METAP1: variants seen among roughly 807,000 people sequenced by gnomAD.
The protein encoded by METAP1 is methionine aminopeptidase 1.
A neutral mutation model predicts 53.8 loss-of-function variants in METAP1; 28 were observed. The observed-to-expected ratio is 0.52, with a 90% CI of 0.39 to 0.71. The LOEUF is 0.71. Among genes scored for constraint, METAP1 ranks in the 30% least tolerant of loss-of-function variants. The probability of loss-of-function intolerance (pLI) is 0.00; values close to 1 mark genes in which losing one functional copy is unlikely to be tolerated. For synonymous variants in METAP1, 181 were observed against 165.7 expected (o/e 1.09, Z -0.71); for missense variants, 389 against 479.8 (o/e 0.81, Z 1.77).
chr4:99,056,849 G>A (rs904724350), intron 9 of METAP1, among the ~76,000 whole-genome samples: 2 of 150,060 alleles, frequency 1.3e-5, no homozygotes, highest in South Asian at 2.1e-4. Context: ...GATTACAGGT[G>A]TGAGCCACTG....
chr4:99,000,654 T>A (rs1292721457), intron 1 of METAP1, among the ~76,000 whole-genome samples: 2 of 143,552 alleles, frequency 1.4e-5, no homozygotes, highest in Non-Finnish European at 3.0e-5. Context: ...AGGAAGAAAG[T>A]CTTTTTTTTT....
In METAP1 at chr4:99,034,213, A is replaced by C. The variant is rs1284754069; in HGVS notation, c.167-17A>C. The C allele has an allele frequency of 6.2e-6, 9 of 1,447,172 alleles. 1 individual carries two copies. The South Asian group carries it at 1.1e-4, about 18-fold the overall frequency. The allele number at this position is 1,447,172 out of a possible 1,614,324, so 89.6% of individuals were successfully genotyped here. On this transcript the variant is annotated splice_polypyrimidine_tract_variant and intron_variant, in intron 2 of 10. Transcript: ENST00000296411. ...CCTTCTCCTCCTTCCTCTCATATCT[A>C]TTCCTCCGTCTCCCAGAAGATGAAA...
chr4:99,049,220 G>A (rs1338937917), intron 9 of METAP1, among the ~76,000 whole-genome samples: 1 of 152,086 alleles, frequency 6.6e-6, no homozygotes, highest in Non-Finnish European at 1.5e-5. Flanking sequence ...GGTATACCTG[G>A]GAGTTTTTAA....
chr4:99,004,458 CACACACACACACACACACACACACA>C (rs1723074306), intron 1 of METAP1, among the ~76,000 whole-genome samples: 1 of 26,896 alleles, frequency 3.7e-5, no homozygotes. Context: ...CACACACACA[CACACACACACACACACACACACACA>C]TACACACACA....
intron 1 of METAP1, among the ~76,000 whole-genome samples, chr4:99,004,503 A>G (rs1439812259): frequency 5.1e-5 from 5 of 97,440 alleles, no homozygotes; most frequent in Non-Finnish European, 1.3e-4. Context: ...ACACACACAC[A>G]CACACACACA....
intron 9 of METAP1, among the ~76,000 whole-genome samples, chr4:99,054,203 G>C (rs1273818573): frequency 6.6e-6 from 1 of 152,190 alleles, no homozygotes; most frequent in Non-Finnish European, 1.5e-5. Context: ...TTGAAAATCT[G>C]TTTGTTAGTA....
intron 8 of METAP1, among the ~76,000 whole-genome samples, chr4:99,047,370 G>C (rs1726345069): frequency 1.3e-5 from 2 of 152,114 alleles, no homozygotes; most frequent in Admixed American, 1.3e-4. Context: ...CCTTGGGGCC[G>C]CAGTTGGAGC....
intron 6 of METAP1, among the ~76,000 whole-genome samples, chr4:99,042,680 C>T (rs1196409684): frequency 6.6e-6 from 1 of 151,950 alleles, no homozygotes; most frequent in African/African-American, 2.4e-5. Flanking sequence ...ATATTTACTT[C>T]AAATATTTTA....
Position 99,014,670 on chromosome 4 carries a change from T to G in METAP1, c.115-14197T>G, listed in dbSNP as rs114801923. Among the ~76,000 whole-genome samples the G allele has an allele frequency of 7.2e-3, 1,096 of 152,190 alleles. 9 individuals are homozygous for G. The highest frequency in any genetic ancestry group is 0.025 in the African/African-American group (1,037 of 41,498). ...TTGTAGTGTGTTGGTGGTGGGGTGT[T>G]TCCTATTTTTGTTGATGAAATGCCA... is the stretch of plus-strand genomic sequence containing the variant. On this transcript the variant is annotated intron_variant, in intron 1 of 10. Coordinates refer to ENST00000296411, the MANE Select transcript of METAP1 (RefSeq NM_015143.3).
intron 2 of METAP1, among the ~76,000 whole-genome samples, chr4:99,033,947 C>T (rs1207621356): frequency 1.3e-5 from 2 of 152,112 alleles, no homozygotes; most frequent in East Asian, 3.9e-4. Flanking sequence ...TGTTCTTGTT[C>T]GATATTATGT....
At chr4:99,032,860 T>C (rs781355958) in intron 2 of METAP1, among the ~76,000 whole-genome samples, 2 of 152,230 alleles carry the variant, frequency 1.3e-5, no homozygotes, top group African/African-American at 2.4e-5. Flanking sequence ...CCTATTGATA[T>C]TAACATTCAC....
chr4:98,996,242 G>A (rs186799090), intron 1 of METAP1, among the ~76,000 whole-genome samples: 179 of 152,330 alleles, frequency 1.2e-3, no homozygotes, highest in African/African-American at 3.9e-3. Flanking sequence ...CGCCGGGAAG[G>A]AGGGCAGCCC....
intron 1 of METAP1, among the ~76,000 whole-genome samples, chr4:99,011,245 A>ATG (rs1439333629): frequency 1.3e-5 from 2 of 152,194 alleles, no homozygotes; most frequent in Admixed American, 1.3e-4. Context: ...CTGGACTCAG[A>ATG]TGAAAAGCTT....
chr4:99,036,802 CTTATAT>C (rs1306715540), intron 4 of METAP1, among the ~76,000 whole-genome samples: 2 of 151,956 alleles, frequency 1.3e-5, no homozygotes, highest in Non-Finnish European at 2.9e-5. Flanking sequence ...AGTAACTACT[CTTATAT>C]TTATATCTTT....
intron 1 of METAP1, among the ~76,000 whole-genome samples, chr4:99,011,405 A>G (rs62323250): frequency 0.022 from 3,347 of 152,290 alleles, 47 homozygotes; most frequent in Non-Finnish European, 0.035. Context: ...TTCTGAATCA[A>G]TTGAGATGAT....
chr4:99,040,959 A>G, intron 5 of METAP1, 84 bp from the exon 6 acceptor site: 1 of 659,416 alleles, frequency 1.5e-6, no homozygotes, highest in South Asian at 3.9e-5. Flanking sequence ...CATTTTTACC[A>G]ATCTTCCACA....
intron 9 of METAP1, among the ~76,000 whole-genome samples, chr4:99,050,984 C>G (rs1726653932): frequency 6.6e-6 from 1 of 152,146 alleles, no homozygotes; most frequent in Admixed American, 6.6e-5. Flanking sequence ...GTGAATCATG[C>G]TTGAAATAAA....
At chr4:99,050,105 G>A (rs1726586854) in intron 9 of METAP1, among the ~76,000 whole-genome samples, 1 of 152,172 alleles carries the variant, frequency 6.6e-6, no homozygotes, top group Non-Finnish European at 1.5e-5. Flanking sequence ...GAAATTTGGT[G>A]CAGGGGGCGG....
At chr4:99,011,397 C>T (rs1422384765) in intron 1 of METAP1, among the ~76,000 whole-genome samples, 3 of 152,140 alleles carry the variant, frequency 2.0e-5, no homozygotes, top group African/African-American at 7.2e-5. Context: ...GATGGTTTTT[C>T]TGAATCAATT....
Sources: gnomAD v4.1 joint callset for allele counts (sites outside exome capture counted in the v4.1 genomes callset) on GRCh38, gnomAD v4.1.1 for gene constraint, MANE v1.5 for transcripts, NCBI Gene and HGNC (gene_info 2026-07-23, HGNC 2026-07-21) for gene names.